Variants in XXYLT1 observed in about 807,000 individuals in gnomAD.
XXYLT1 encodes UDP-xylose:alpha-xyloside alpha-1,3-xylosyltransferase.
In XXYLT1, 20 loss-of-function variants were observed where a neutral mutation model predicts 28.9. The ratio of observed to expected loss-of-function variants is 0.69; its 90% CI spans 0.49 to 1.00. The LOEUF is 1.00. XXYLT1 is among the 50% of genes least tolerant of loss of function. The pLI, the probability that XXYLT1 is intolerant of heterozygous loss-of-function variation, is 0.00. For synonymous variants in XXYLT1, 257 were observed against 253.8 expected, an observed-to-expected ratio of 1.01 and a Z score of -0.12; for missense variants, 542 against 560.1, an observed-to-expected ratio of 0.97 and a Z score of 0.33.
intron 2 of XXYLT1, among the ~76,000 whole-genome samples, chr3:195,159,020 A>T (rs575217747): frequency 6.6e-6 from 1 of 152,308 alleles, no homozygotes; most frequent in Admixed American, 6.5e-5. Context: ...CGCAGAGAAG[A>T]TGCTGGTTGG....
intron 3 of XXYLT1, among the ~76,000 whole-genome samples, chr3:195,081,829 G>A (rs1008787405): frequency 6.6e-6 from 1 of 152,340 alleles, no homozygotes; most frequent in South Asian, 2.1e-4. Context: ...AGTGGGCCCT[G>A]CAACTGGTCT....
intron 2 of XXYLT1, among the ~76,000 whole-genome samples, chr3:195,159,230 G>GA (rs1720750883): frequency 6.6e-6 from 1 of 152,198 alleles, no homozygotes; most frequent in Non-Finnish European, 1.5e-5. Context: ...CAAATCTTGA[G>GA]AAAACGCAAC....
intron 3 of XXYLT1, among the ~76,000 whole-genome samples, chr3:195,075,554 C>T (rs1560080643): frequency 6.6e-6 from 1 of 152,222 alleles, no homozygotes; most frequent in Non-Finnish European, 1.5e-5. Flanking sequence ...GGCGAGGCAG[C>T]ACCGCTCAGA....
intron 2 of XXYLT1, among the ~76,000 whole-genome samples, chr3:195,190,180 T>A (rs1314162410): frequency 6.0e-5 from 9 of 149,852 alleles, no homozygotes; most frequent in Admixed American, 5.9e-4. Context: ...AACAAACTGT[T>A]TGCAGATTTA....
intron 3 of XXYLT1, among the ~76,000 whole-genome samples, chr3:195,072,148 C>T (rs112561547): frequency 9.2e-5 from 14 of 152,056 alleles, no homozygotes; most frequent in African/African-American, 2.9e-4. Context: ...TGATGAGGAA[C>T]GATGGAAAGG....
intron 1 of XXYLT1, among the ~76,000 whole-genome samples, chr3:195,248,884 T>A (rs1005062568): frequency 6.6e-6 from 1 of 152,182 alleles, no homozygotes; most frequent in African/African-American, 2.4e-5. Context: ...TGCGCCACTG[T>A]ACTCCAGCCT....
chr3:195,125,857 C>T (rs544381608), intron 3 of XXYLT1, among the ~76,000 whole-genome samples: 3 of 152,288 alleles, frequency 2.0e-5, no homozygotes, highest in Admixed American at 6.5e-5. Flanking sequence ...GCCGCTCCAG[C>T]GGGCATCCAC....
intron 2 of XXYLT1, among the ~76,000 whole-genome samples, chr3:195,218,458 A>G (rs1466593300): frequency 8.0e-4 from 122 of 151,592 alleles, no homozygotes; most frequent in African/African-American, 2.8e-3. Flanking sequence ...GAACTCAAAC[A>G]AATTTACAAG....
intron 2 of XXYLT1, 35 bp from the exon 3 acceptor site, chr3:195,156,616 T>TAC (rs763368182): frequency 6.2e-7 from 1 of 1,611,262 alleles, no homozygotes; most frequent in Non-Finnish European, 8.5e-7. Context: ...GAGACACAGG[T>TAC]ACACCTCCTG....
At chr3:195,216,155 CA>C (rs1553823897) in intron 2 of XXYLT1, among the ~76,000 whole-genome samples, 3 of 152,158 alleles carry the variant, frequency 2.0e-5, no homozygotes, top group Non-Finnish European at 4.4e-5. Flanking sequence ...GGGACACATT[CA>C]AAGCAGTGTG....
intron 2 of XXYLT1, among the ~76,000 whole-genome samples, chr3:195,193,552 A>T (rs1295034388): frequency 1.3e-5 from 2 of 152,206 alleles, no homozygotes; most frequent in Non-Finnish European, 2.9e-5. Flanking sequence ...CCTAAAATGT[A>T]TATGGAAATG....
intron 3 of XXYLT1, among the ~76,000 whole-genome samples, chr3:195,071,777 C>T (rs771346166): frequency 5.9e-5 from 9 of 152,120 alleles, no homozygotes; most frequent in Non-Finnish European, 1.3e-4. Flanking sequence ...TAAAATTCTA[C>T]CAGGCAGACC....
intron 3 of XXYLT1, among the ~76,000 whole-genome samples, chr3:195,083,134 T>A (rs2108650014): frequency 6.6e-6 from 1 of 152,274 alleles, no homozygotes; most frequent in East Asian, 1.9e-4. Flanking sequence ...GTCACTATAT[T>A]CCTTAAAAGA....
At chr3:195,126,143 T>C (rs1718608313) in intron 3 of XXYLT1, among the ~76,000 whole-genome samples, 1 of 152,028 alleles carries the variant, frequency 6.6e-6, no homozygotes, top group Non-Finnish European at 1.5e-5. Context: ...AGTTTTCTTT[T>C]CTTTAGTGAG....
intron 3 of XXYLT1, among the ~76,000 whole-genome samples, chr3:195,155,782 G>A (rs1272328291): frequency 2.0e-5 from 3 of 152,062 alleles, no homozygotes; most frequent in South Asian, 2.1e-4. Flanking sequence ...GCATGGAGCC[G>A]TTCCCTTTTT....
chr3:195,076,007 T>A lies in XXYLT1; in HGVS notation c.786-5896A>T, dbSNP rs548940631. Among the ~76,000 whole-genome samples the A allele has an allele frequency of 2.2e-4, 33 of 152,086 alleles. 2 individuals carry two copies. In the South Asian group the frequency reaches 5.4e-3, roughly 25 times the overall value. On this transcript the variant is annotated intron_variant, in intron 3 of 3. Coordinates refer to ENST00000310380, the MANE Select transcript of XXYLT1 (RefSeq NM_152531.5). The surrounding 1 kb of genome is among the most constrained non-coding windows in gnomAD (Gnocchi z 5.3). ...GAGGCACACCGCAGAGGGCTTCCCC[T>A]CCAGGCCCTCCCTCCAACATGAGCC... is the stretch of plus-strand genomic sequence containing the variant.
At chr3:195,073,132 T>C (rs1714920702) in intron 3 of XXYLT1, among the ~76,000 whole-genome samples, 1 of 152,230 alleles carries the variant, frequency 6.6e-6, no homozygotes, top group Non-Finnish European at 1.5e-5. Flanking sequence ...TTCTGATCTC[T>C]GAGGTCCCTT....
chr3:195,082,194 G>A (rs1715473413), intron 3 of XXYLT1, among the ~76,000 whole-genome samples: 1 of 152,232 alleles, frequency 6.6e-6, no homozygotes, highest in Admixed American at 6.5e-5. Context: ...TGTGCTGTGT[G>A]TGTCAAGGGT....
intron 2 of XXYLT1, among the ~76,000 whole-genome samples, chr3:195,213,135 G>A (rs1195111211): frequency 6.6e-6 from 1 of 152,248 alleles, no homozygotes; most frequent in Non-Finnish European, 1.5e-5. Flanking sequence ...GCAGGGGACA[G>A]GAAAGGCTGG....
Sources: allele counts gnomAD v4.1 joint callset (sites outside exome capture counted in the v4.1 genomes callset), GRCh38; gene constraint gnomAD v4.1.1; non-coding constraint Gnocchi (gnomAD v3.1); transcripts MANE v1.5; gene names NCBI Gene and HGNC (gene_info 2026-07-23, HGNC 2026-07-21).